MDGA2: variants seen among roughly 807,000 people sequenced by gnomAD.
MDGA2 encodes the protein MAM domain containing glycosylphosphatidylinositol anchor 2, also known as MAM domain-containing glycosylphosphatidylinositol anchor protein 2.
A neutral mutation model predicts 117.8 loss-of-function variants in MDGA2; 40 were observed. That is an observed-to-expected ratio of 0.34 (90% CI 0.26 to 0.44). The LOEUF is 0.44. Among genes scored for constraint, MDGA2 ranks in the 20% least tolerant of loss-of-function variants. The pLI, the probability that MDGA2 is intolerant of heterozygous loss-of-function variation, is 1.00. For synonymous variants in MDGA2, 452 were observed against 439.0 expected, an observed-to-expected ratio of 1.03 and a Z score of -0.37; for missense variants, 1,123 against 1,250.6, an observed-to-expected ratio of 0.90 and a Z score of 1.54.
chr14:47,321,449 C>T (rs141132250), intron 1 of MDGA2, among the ~76,000 whole-genome samples: 8 of 152,256 alleles, frequency 5.3e-5, no homozygotes, highest in African/African-American at 1.2e-4. Context: ...ACATTGATTG[C>T]CCTAAAGGCT....
intron 9 of MDGA2, among the ~76,000 whole-genome samples, chr14:46,948,858 A>C (rs956781594): frequency 2.0e-5 from 3 of 151,850 alleles, no homozygotes; most frequent in African/African-American, 4.8e-5. Flanking sequence ...TTCTTACCAC[A>C]CTTCTTTTCC....
intron 1 of MDGA2, among the ~76,000 whole-genome samples, chr14:47,665,609 G>T (rs955083605): frequency 1.2e-4 from 19 of 152,288 alleles, no homozygotes; most frequent in African/African-American, 4.6e-4. Context: ...TGGGCTTGGC[G>T]GCCCTGCACT....
Position 47,315,633 on chromosome 14 carries a change from A to C in MDGA2, c.281-14083T>G, listed in dbSNP as rs1889784418. 2.6e-5 allele frequency among the ~76,000 whole-genome samples: 4 copies of C among 152,080 alleles called. No individual in the cohort carries two copies. In the South Asian group the frequency reaches 8.3e-4, roughly 31 times the overall value. On this transcript the variant is annotated intron_variant, in intron 1 of 16. Transcript: ENST00000399232. ...ATCTCATTTGAATTCTTTTCAATTC[A>C]TTTGTGTAGCAAATAAGACAATACA...
At chr14:47,561,397 A>G (rs1168252576) in intron 1 of MDGA2, among the ~76,000 whole-genome samples, 1 of 151,700 alleles carries the variant, frequency 6.6e-6, no homozygotes, top group East Asian at 1.9e-4. Flanking sequence ...CATATCGCTG[A>G]TTCCTTTCAG....
At chr14:47,051,075 G>C (rs1430293693) in intron 7 of MDGA2, among the ~76,000 whole-genome samples, 2 of 151,872 alleles carry the variant, frequency 1.3e-5, no homozygotes, top group Admixed American at 6.6e-5. Flanking sequence ...TATTTGAAAT[G>C]CCTGAGATAA....
At position 46,906,982 on chromosome 14, in the gene MDGA2, T is replaced by C. The variant is rs1020720132; in HGVS notation, c.2238+13030A>G. Among the ~76,000 whole-genome samples, 171 of 143,398 alleles carry C rather than the reference T, an allele frequency of 1.2e-3. 1 individual carries two copies. The highest frequency in any genetic ancestry group is 2.0e-3 in the African/African-American group (79 of 38,794). 94.1% of individuals were successfully genotyped at this position (143,398 alleles called of 152,430 possible). A position where few individuals can be genotyped will look rare whatever the true frequency, so the allele number is the denominator to read the frequency against. On this transcript the variant is annotated intron_variant, in intron 10 of 16. Transcript: ENST00000399232. ...TTTGCTTACCTTTTTCTTTTTTTTT[T>C]TTTTTTTTTTTTTGAGACGAGTCTT...
chr14:46,864,833 T>TATC (rs1881680359), intron 14 of MDGA2, among the ~76,000 whole-genome samples: 1 of 152,012 alleles, frequency 6.6e-6, no homozygotes, highest in Non-Finnish European at 1.5e-5. Context: ...GAGCCTTATC[T>TATC]ATCCCCTCAG....
intron 7 of MDGA2, among the ~76,000 whole-genome samples, chr14:47,057,527 C>G (rs567599235): frequency 6.6e-6 from 1 of 152,120 alleles, no homozygotes; most frequent in African/African-American, 2.4e-5. Flanking sequence ...GAAAGTAAGA[C>G]AACCTATAAT....
intron 1 of MDGA2, among the ~76,000 whole-genome samples, chr14:47,538,142 C>T (rs1895261743): frequency 6.6e-6 from 1 of 152,136 alleles, no homozygotes; most frequent in African/African-American, 2.4e-5. Flanking sequence ...AGTAGTTAAA[C>T]AAATGTATGA....
At chr14:46,846,328 C>T (rs916394488) in intron 15 of MDGA2, among the ~76,000 whole-genome samples, 35 of 151,932 alleles carry the variant, frequency 2.3e-4, no homozygotes, top group Admixed American at 2.3e-3. Context: ...TATTGAAGCC[C>T]GGAACAAAGT....
chr14:47,250,835 C>T (rs1412561984), intron 2 of MDGA2, among the ~76,000 whole-genome samples: 1 of 152,186 alleles, frequency 6.6e-6, no homozygotes, highest in African/African-American at 2.4e-5. Flanking sequence ...GGCATAGGCA[C>T]AAATTCCTTG....
At chr14:47,653,501 G>A (rs574449542) in intron 1 of MDGA2, among the ~76,000 whole-genome samples, 1 of 152,238 alleles carries the variant, frequency 6.6e-6, no homozygotes, top group Non-Finnish European at 1.5e-5. Flanking sequence ...AAAGCCAATG[G>A]AAAATGGAAA....
intron 2 of MDGA2, among the ~76,000 whole-genome samples, chr14:47,272,784 C>G (rs1238944649): frequency 6.6e-6 from 1 of 152,150 alleles, no homozygotes; most frequent in Non-Finnish European, 1.5e-5. Context: ...TGTGTTTTCA[C>G]GGGGTTAACC....
chr14:47,366,769 T>C (rs1293871837), intron 1 of MDGA2, among the ~76,000 whole-genome samples: 2 of 151,462 alleles, frequency 1.3e-5, no homozygotes, highest in Non-Finnish European at 2.9e-5. Flanking sequence ...ATTATTTCTT[T>C]AGAAGCACTT....
intron 10 of MDGA2, among the ~76,000 whole-genome samples, chr14:46,918,738 G>T (rs1486477504): frequency 7.0e-6 from 1 of 142,290 alleles, no homozygotes; most frequent in East Asian, 2.0e-4. Flanking sequence ...GGGTGAATAA[G>T]AATATGCTAC....
At chr14:47,588,520 T>C (rs1443790726) in intron 1 of MDGA2, among the ~76,000 whole-genome samples, 3 of 151,864 alleles carry the variant, frequency 2.0e-5, no homozygotes, top group Admixed American at 1.3e-4. Flanking sequence ...ATTAACAATC[T>C]GTGTATCTTC....
chr14:46,907,443 G>A (rs573522854), intron 10 of MDGA2, among the ~76,000 whole-genome samples: 1 of 152,204 alleles, frequency 6.6e-6, no homozygotes, highest in South Asian at 2.1e-4. Context: ...CTAATGATTA[G>A]ATTCACATGA....
In MDGA2 at chr14:46,844,440, G is replaced by T. The variant is rs190112830; in HGVS notation, c.2989+1326C>A. Among the ~76,000 whole-genome samples the T allele has an allele frequency of 1.1e-4, 17 of 152,118 alleles. No individual in the cohort carries two copies. In the East Asian group the frequency reaches 3.3e-3, roughly 30 times the overall value. ...ACTAAAAATACAAAAAATTAGCGGG[G>T]TGTGGTGCCGCGAGTCTGTAATCCC... On this transcript the variant is annotated intron_variant, in intron 16 of 16. Coordinates refer to ENST00000399232, the MANE Select transcript of MDGA2 (RefSeq NM_001113498.3).
intron 2 of MDGA2, among the ~76,000 whole-genome samples, chr14:47,226,003 G>T (rs564832186): frequency 6.6e-6 from 1 of 151,804 alleles, no homozygotes; most frequent in Non-Finnish European, 1.5e-5. Flanking sequence ...GAAAAAGGGA[G>T]CCTGGCCGGG....
Sources: gnomAD v4.1 joint callset for allele counts (sites outside exome capture counted in the v4.1 genomes callset) on GRCh38, gnomAD v4.1.1 for gene constraint, MANE v1.5 for transcripts, NCBI Gene and HGNC (gene_info 2026-07-23, HGNC 2026-07-21) for gene names.